The following SLC8A3 variants were observed in gnomAD, a reference collection of about 807,000 sequenced individuals.
SLC8A3 encodes the protein solute carrier family 8 member A3.
In SLC8A3, 37 loss-of-function variants were observed where a neutral mutation model predicts 65.4. The observed-to-expected ratio is 0.57, with a 90% confidence interval of 0.44 to 0.74. The LOEUF is 0.74. SLC8A3 is among the 30% of genes least tolerant of loss of function. The probability of loss-of-function intolerance (pLI) is 0.00; values close to 1 mark genes in which losing one functional copy is unlikely to be tolerated. For synonymous variants in SLC8A3, 461 were observed against 444.5 expected (o/e 1.04, Z -0.47); for missense variants, 1,112 against 1,172.1 (o/e 0.95, Z 0.75).
chr14:70,115,575 T>C (rs1444508337), intron 2 of SLC8A3, among the ~76,000 whole-genome samples: 1 of 152,172 alleles, frequency 6.6e-6, no homozygotes, highest in African/African-American at 2.4e-5. Context: ...TCAGGTGCTC[T>C]TATTACTCCT....
chr14:70,076,367 G>A (rs888029158), intron 2 of SLC8A3, among the ~76,000 whole-genome samples: 2 of 152,190 alleles, frequency 1.3e-5, no homozygotes, highest in Non-Finnish European at 2.9e-5. Context: ...CTCCATGAGA[G>A]CAGGAACCTT....
chr14:70,114,401 C>T (rs1893520280), intron 2 of SLC8A3, among the ~76,000 whole-genome samples: 1 of 152,122 alleles, frequency 6.6e-6, no homozygotes, highest in South Asian at 2.1e-4. Flanking sequence ...TCTTATTCAG[C>T]CTAGTCATAT....
intron 2 of SLC8A3, among the ~76,000 whole-genome samples, chr14:70,065,499 T>C (rs1889322672): frequency 2.6e-5 from 4 of 152,150 alleles, no homozygotes; most frequent in Admixed American, 2.6e-4. Flanking sequence ...TTCCAGGTAA[T>C]GGAGACAGAT....
intron 2 of SLC8A3, among the ~76,000 whole-genome samples, chr14:70,102,505 T>C (rs1371811040): frequency 2.0e-5 from 3 of 152,146 alleles, no homozygotes; most frequent in Non-Finnish European, 4.4e-5. Flanking sequence ...TAAAGATCAC[T>C]CAATAGAAAA....
chr14:70,109,103 C>A (rs1893084567), intron 2 of SLC8A3, among the ~76,000 whole-genome samples: 1 of 151,290 alleles, frequency 6.6e-6, no homozygotes, highest in Non-Finnish European at 1.5e-5. Flanking sequence ...CCAGTTTTCC[C>A]TTCTAAATAG....
chr14:70,177,953 C>T (rs1416356049), intron 1 of SLC8A3, among the ~76,000 whole-genome samples: 5 of 152,094 alleles, frequency 3.3e-5, no homozygotes, highest in Admixed American at 3.3e-4. Flanking sequence ...GAGAACTGAA[C>T]CAAGGCAGTG....
intron 2 of SLC8A3, among the ~76,000 whole-genome samples, chr14:70,099,842 T>C (rs1892447293): frequency 6.6e-6 from 1 of 152,188 alleles, no homozygotes; most frequent in Admixed American, 6.5e-5. Context: ...AAAAAGCATC[T>C]GATAATAAAC....
chr14:70,087,403 T>C (rs1891513112), intron 2 of SLC8A3, among the ~76,000 whole-genome samples: 1 of 152,208 alleles, frequency 6.6e-6, no homozygotes. Context: ...TATCTATCTA[T>C]TGATGGCCCA....
rs1566833477 is a variant in SLC8A3 at position 70,174,662 on chromosome 14, G to GTTTGTTTTTTT, written c.-62-6179_-62-6178insAAAAAAACAAA. Among the ~76,000 whole-genome samples, 11 of 66,520 alleles carry GTTTGTTTTTTT rather than the reference G, an allele frequency of 1.7e-4. 1 individual carries two copies. Among genetic ancestry groups the GTTTGTTTTTTT allele is most frequent in the Non-Finnish European group, 1.6e-4 (5 of 31,724 alleles). 43.6% of individuals were successfully genotyped at this position (66,520 alleles called of 152,430 possible). ...CTTGGACCAAATCCGTTTTTTTTTT[G>GTTTGTTTTTTT]TTTTTTTTTTTTTTTTTTTTTTTTT... On this transcript the variant is annotated intron_variant, in intron 1 of 6. Coordinates refer to ENST00000356921, the MANE Select transcript of SLC8A3 (RefSeq NM_182932.3).
intron 2 of SLC8A3, among the ~76,000 whole-genome samples, chr14:70,123,448 TCTA>T (rs1894218215): frequency 7.9e-6 from 1 of 126,878 alleles, no homozygotes. Context: ...TATTTTCCTG[TCTA>T]TTTTTTTTTT....
chr14:70,167,497 A>G lies in SLC8A3; in HGVS notation c.926T>C (p.Val309Ala), dbSNP rs772488490. Residue 309 changes from valine to alanine, a missense_variant, in exon 2 of 7, where the codon GTG (valine) becomes GCG (alanine). Val to Ala is a moderately conservative substitution (Grantham distance 64). Transcript: ENST00000356921. ...GATCATCTCTCTGCGGGACTCATCC[A>G]CTTCCTTCCCTTCCAGGGGCACCAG... The part of the protein sequence containing the change: ...GNLVPLEGKE[V>A]DESRREMIRI... The G allele has an allele frequency of 1.2e-6, 2 of 1,613,990 alleles. No homozygotes were observed. Among genetic ancestry groups the G allele is most frequent in the Non-Finnish European group, 1.7e-6 (2 of 1,180,006 alleles).
chr14:70,155,881 A>C (rs1486204273), intron 2 of SLC8A3, among the ~76,000 whole-genome samples: 2 of 152,198 alleles, frequency 1.3e-5, no homozygotes, highest in Non-Finnish European at 2.9e-5. Context: ...TTCTGTCTCT[A>C]CTCAACCCCC....
intron 2 of SLC8A3, among the ~76,000 whole-genome samples, chr14:70,080,971 G>C (rs1161721235): frequency 6.6e-6 from 1 of 152,224 alleles, no homozygotes; most frequent in Non-Finnish European, 1.5e-5. Flanking sequence ...TGGCAGAGCA[G>C]AGAATTGAAC....
chr14:70,063,967 G>A lies in SLC8A3; in HGVS notation c.1785-3028C>T, dbSNP rs758520967. On this transcript the variant is annotated intron_variant, in intron 2 of 6. Coordinates refer to ENST00000356921, the MANE Select transcript of SLC8A3 (RefSeq NM_182932.3). ...AAATAAGTATCATAAGCAAGGAGTA[G>A]AGTGTAGGACAAGTCAGCCAGCAGA... The A allele has an allele frequency of 1.9e-5, 22 of 1,169,784 alleles. No homozygotes were observed. In the South Asian group the frequency reaches 2.5e-4, roughly 13 times the overall value. The allele number at this position is 1,169,784 out of a possible 1,614,324, so 72.5% of individuals were successfully genotyped here. A position where few individuals can be genotyped will look rare whatever the true frequency, so the allele number is the denominator to read the frequency against.
intron 2 of SLC8A3, among the ~76,000 whole-genome samples, chr14:70,094,294 G>C (rs763599984): frequency 5.3e-5 from 8 of 152,234 alleles, no homozygotes; most frequent in Non-Finnish European, 1.0e-4. Flanking sequence ...GTCAGACTCA[G>C]ACTGTGAAAT....
At chr14:70,176,188 G>A (rs1463037366) in intron 1 of SLC8A3, among the ~76,000 whole-genome samples, 1 of 152,204 alleles carries the variant, frequency 6.6e-6, no homozygotes, top group African/African-American at 2.4e-5. Context: ...GACAGATCTG[G>A]GGAGTTACAA....
At chr14:70,092,127 A>AGG (rs1481499944) in intron 2 of SLC8A3, among the ~76,000 whole-genome samples, 1 of 152,188 alleles carries the variant, frequency 6.6e-6, no homozygotes, top group Admixed American at 6.5e-5. Flanking sequence ...CCTTAACATC[A>AGG]GGGCTTTATC....
chr14:70,168,073 G>A lies in SLC8A3; in HGVS notation c.350C>T (p.Pro117Leu). 6.2e-7 allele frequency: 1 copy of A among 1,614,050 alleles called. No homozygotes were observed. Reference sequence around the variant, plus strand: ...AGTGGTTGTGCTGGTTTCTCCATTGGGTTTCTTAATTGTCACCTCCCTCTC... The same window carrying A: ...AGTGGTTGTGCTGGTTTCTCCATTGAGTTTCTTAATTGTCACCTCCCTCTC... ...SQEREVTIKK[P>L]NGETSTTTIR... Residue 117 changes from proline to leucine, a missense_variant, in exon 2 of 7, where the codon CCC becomes CTC. Coordinates refer to ENST00000356921, the MANE Select transcript of SLC8A3 (RefSeq NM_182932.3).
chr14:70,115,911 G>A (rs1893624870), intron 2 of SLC8A3, among the ~76,000 whole-genome samples: 1 of 152,154 alleles, frequency 6.6e-6, no homozygotes, highest in Admixed American at 6.5e-5. Flanking sequence ...CATGTGAGAA[G>A]GGAAGAAGCG....
Sources: allele counts gnomAD v4.1 joint callset (sites outside exome capture counted in the v4.1 genomes callset), GRCh38; gene constraint gnomAD v4.1.1; transcripts MANE v1.5; gene names NCBI Gene and HGNC (gene_info 2026-07-23, HGNC 2026-07-21).